Variants in DGKB observed in about 807,000 individuals in gnomAD.
DGKB encodes diacylglycerol kinase beta.
Under a neutral mutation model 114.3 loss-of-function variants are expected in DGKB, and 67 were observed. That is an observed-to-expected ratio of 0.59 (90% confidence interval 0.48 to 0.72). DGKB has a LOEUF of 0.72. Ranked by LOEUF, DGKB falls within the 30% of genes least tolerant of loss-of-function variation. DGKB has a pLI of 0.00. For missense variants in DGKB, 907 were observed against 975.2 expected, an observed-to-expected ratio of 0.93 and a Z score of 0.93; for synonymous variants, 398 against 323.1, an observed-to-expected ratio of 1.23 and a Z score of -2.49.
chr7:14,236,501 G>A (rs1007181240), intron 23 of DGKB, among the ~76,000 whole-genome samples: 1 of 151,760 alleles, frequency 6.6e-6, no homozygotes, highest in African/African-American at 2.4e-5. Flanking sequence ...ATTGAGAAAA[G>A]AACAATTTTT....
At chr7:14,469,440 G>A (rs956256969) in intron 21 of DGKB, among the ~76,000 whole-genome samples, 1 of 152,044 alleles carries the variant, frequency 6.6e-6, no homozygotes, top group African/African-American at 2.4e-5. Flanking sequence ...AAAATGTGGT[G>A]TGAAAGAAGA....
intron 13 of DGKB, among the ~76,000 whole-genome samples, chr7:14,635,597 T>C (rs1387884123): frequency 6.6e-6 from 1 of 151,618 alleles, no homozygotes; most frequent in African/African-American, 2.4e-5. Context: ...AAATGAAACA[T>C]GCACATCCTA....
chr7:14,768,052 G>A (rs1483094661), intron 2 of DGKB, among the ~76,000 whole-genome samples: 1 of 151,972 alleles, frequency 6.6e-6, no homozygotes. Context: ...ATTAGGCAAT[G>A]TGGAGAAACC....
chr7:14,535,370 TA>T (rs1792273224), intron 20 of DGKB, among the ~76,000 whole-genome samples: 1 of 88,644 alleles, frequency 1.1e-5, no homozygotes, highest in Non-Finnish European at 2.2e-5. Flanking sequence ...CCCTGTCTCT[TA>T]AAAAAAGAAA....
At chr7:14,298,796 G>T (rs1803011771) in intron 23 of DGKB, among the ~76,000 whole-genome samples, 1 of 152,114 alleles carries the variant, frequency 6.6e-6, no homozygotes, top group Non-Finnish European at 1.5e-5. Context: ...CTATCCATCT[G>T]ACAAAGGGCT....
rs181617427 is a variant in DGKB at position 14,583,719 on chromosome 7, C to T, written c.1434-582G>A. Reference sequence around the variant, plus strand: ...TTGACCTGGTTGACAGTGTTTTCCACCCAGGAACACTCTAGCCTAATTGCT... The same window carrying T: ...TTGACCTGGTTGACAGTGTTTTCCATCCAGGAACACTCTAGCCTAATTGCT... On this transcript the variant is annotated intron_variant, in intron 17 of 25. Coordinates refer to ENST00000402815, the MANE Select transcript of DGKB (RefSeq NM_001350709.2). Among the ~76,000 whole-genome samples the T allele has an allele frequency of 6.6e-5, 10 of 152,252 alleles. No homozygotes were observed. In the East Asian group the frequency reaches 1.7e-3, roughly 26 times the overall value.
chr7:14,195,856 A>C (rs1562587842), intron 23 of DGKB, among the ~76,000 whole-genome samples: 1 of 152,252 alleles, frequency 6.6e-6, no homozygotes. Flanking sequence ...GTTGCATGTA[A>C]GTCTTACGTG....
chr7:14,292,977 T>G lies in DGKB; in HGVS notation c.2122+45538A>C, dbSNP rs145628778. Reference sequence around the variant, plus strand: ...TTCTCTGGATGGCCAATTCAGAGACTGAGGAAACTAAAATTACTGCCTGTA... The same window carrying G: ...TTCTCTGGATGGCCAATTCAGAGACGGAGGAAACTAAAATTACTGCCTGTA... On this transcript the variant is annotated intron_variant, in intron 23 of 25. Transcript: ENST00000402815. Among the ~76,000 whole-genome samples the G allele has an allele frequency of 1.7e-3, 265 of 152,224 alleles. 1 individual carries two copies. Among genetic ancestry groups the G allele is most frequent in the Middle Eastern group, 0.01 (3 of 294 alleles).
At chr7:14,684,468 C>T (rs1821342741) in intron 10 of DGKB, among the ~76,000 whole-genome samples, 1 of 152,110 alleles carries the variant, frequency 6.6e-6, no homozygotes, top group Admixed American at 6.5e-5. Flanking sequence ...GTTATAATAT[C>T]TACCCTTTTT....
chr7:14,791,963 A>C (rs566534772), intron 2 of DGKB, among the ~76,000 whole-genome samples: 1 of 152,198 alleles, frequency 6.6e-6, no homozygotes, highest in East Asian at 1.9e-4. Flanking sequence ...GTATCAGGGT[A>C]ATACAAGCTT....
At chr7:14,495,872 C>T (rs777454903) in intron 20 of DGKB, among the ~76,000 whole-genome samples, 6 of 151,754 alleles carry the variant, frequency 4.0e-5, no homozygotes, top group Non-Finnish European at 7.4e-5. Flanking sequence ...ACAGAACATT[C>T]ATTGCAATCA....
At chr7:14,571,278 G>A (rs1798341260) in intron 20 of DGKB, among the ~76,000 whole-genome samples, 1 of 152,236 alleles carries the variant, frequency 6.6e-6, no homozygotes, top group Non-Finnish European at 1.5e-5. Context: ...TTCTATCAGA[G>A]TGGAATAAGC....
chr7:14,401,353 T>G (rs1010381529), intron 21 of DGKB, among the ~76,000 whole-genome samples: 1 of 151,932 alleles, frequency 6.6e-6, no homozygotes, highest in Non-Finnish European at 1.5e-5. Flanking sequence ...AAAGCATATC[T>G]GTGATTTGTA....
chr7:14,886,198 T>A (rs960007333), intron 1 of DGKB, among the ~76,000 whole-genome samples: 1 of 151,684 alleles, frequency 6.6e-6, no homozygotes, highest in African/African-American at 2.4e-5. Context: ...CAGAAAAGAT[T>A]AAAAGATAGA....
chr7:14,233,305 AC>A (rs1792200803), intron 23 of DGKB, among the ~76,000 whole-genome samples: 3 of 151,936 alleles, frequency 2.0e-5, no homozygotes, highest in Admixed American at 6.6e-5. Flanking sequence ...GTCTGAAGCA[AC>A]TCTGACTGAA....
chr7:14,973,888 TATAA>T (rs923586345), intron 1 of DGKB, among the ~76,000 whole-genome samples: 4 of 148,392 alleles, frequency 2.7e-5, no homozygotes, highest in African/African-American at 4.9e-5. Context: ...TACTTAAATT[TATAA>T]ATATTTAAAA....
chr7:14,785,464 T>A lies in DGKB; in HGVS notation c.71-27733A>T, dbSNP rs542511056. Reference sequence around the variant, plus strand: ...GTATGTATATACATGTATATGTATATAATTTTGTGCACACATGGCATAAAC... The same window carrying A: ...GTATGTATATACATGTATATGTATAAAATTTTGTGCACACATGGCATAAAC... On this transcript the variant is annotated intron_variant, in intron 2 of 25. Transcript: ENST00000402815. Among the ~76,000 whole-genome samples, 3 of 152,258 alleles carry A rather than the reference T, an allele frequency of 2.0e-5. No homozygotes were observed. In the East Asian group the frequency reaches 5.8e-4, roughly 29 times the overall value.
At chr7:14,464,467 T>C (rs77936345) in intron 21 of DGKB, among the ~76,000 whole-genome samples, 3,024 of 152,240 alleles carry the variant, frequency 0.02, 123 homozygotes, top group Admixed American at 0.091. Flanking sequence ...ACAAACTGTG[T>C]CTACATATTA....
At chr7:14,953,198 T>C (rs555542333) in intron 1 of DGKB, among the ~76,000 whole-genome samples, 2 of 152,186 alleles carry the variant, frequency 1.3e-5, no homozygotes, top group African/African-American at 4.8e-5. Flanking sequence ...AAAGAAAATA[T>C]GTAAGTGAAC....
Sources: allele counts gnomAD v4.1 joint callset (sites outside exome capture counted in the v4.1 genomes callset), GRCh38; gene constraint gnomAD v4.1.1; transcripts MANE v1.5; gene names NCBI Gene and HGNC (gene_info 2026-07-23, HGNC 2026-07-21).